FLG: variants seen among roughly 807,000 people sequenced by gnomAD.
FLG encodes the protein epidermal filaggrin.
In FLG, 6 loss-of-function variants were observed where a neutral mutation model predicts 3.8. The ratio of observed to expected loss-of-function variants is 1.60; its 90% CI spans 0.87 to 3.15. The LOEUF is 3.15. Among genes scored for constraint, FLG ranks in the 30% most tolerant of loss-of-function variants. The pLI, the probability that FLG is intolerant of heterozygous loss-of-function variation, is 0.00. For missense variants in FLG, 7,595 were observed against 5,050.9 expected (o/e 1.50, Z -15.27); for synonymous variants, 2,551 against 1,931.6 (o/e 1.32, Z -8.41).
chr1:152,308,742 C>G lies in FLG; in HGVS notation c.6144G>C (p.Glu2048Asp), dbSNP rs750914357. ...GTGTGTCTGAGTCTTCTGAATGTCC[C>G]TCACTGTCACTGGCCTGACTACCAC... ...GYSGSQASDS[E>D]GHSEDSDTQS... The change falls in exon 3 of 3, where the codon GAG (glutamate) becomes GAC (aspartate). Residue 2048 changes from glutamate (E) to aspartate (D), a missense_variant. By Grantham distance (45) the Glu-to-Asp change is conservative. Coordinates refer to ENST00000368799, the MANE Select transcript of FLG (RefSeq NM_002016.2). 1.9e-6 allele frequency: 3 copies of G among 1,614,140 alleles called. No homozygotes were observed. Among genetic ancestry groups the G allele is most frequent in the East Asian group, 2.2e-5 (1 of 44,874 alleles).
intron 1 of FLG, 132 bp from the exon 2 acceptor site, chr1:152,315,609 T>C: frequency 1.5e-6 from 1 of 651,962 alleles, no homozygotes. Flanking sequence ...AAGATGGACA[T>C]GAGAAACTTT....
rs568796343 is a variant in FLG, at chr1:152,311,623, C to T, written c.3263G>A (p.Gly1088Asp). Residue 1088 changes from glycine to aspartate, a missense_variant, in exon 3 of 3, where the codon GGC (glycine) becomes GAC (aspartate). Transcript: ENST00000368799. ...SEESDTQSVS[G>D]HGQDGPHQQS... ...CTGATGGGGCCCATCCTGTCCATGG[C>T]CTGACACTGACTGTGTGTCTGACTC... The T allele has an allele frequency of 3.8e-5, 61 of 1,614,074 alleles. No homozygotes were observed. The East Asian group carries it at 9.4e-4, about 25-fold the overall frequency.
chr1:152,311,358 C>T lies in FLG; in HGVS notation c.3528G>A (p.Arg1176=), dbSNP rs148211068. The T allele has an allele frequency of 9.9e-5, 159 of 1,613,678 alleles. No homozygotes were observed. Among genetic ancestry groups the T allele is most frequent in the Non-Finnish European group, 1.3e-4 (148 of 1,179,944 alleles). ...RAHPGSRRGG[R]QGSHHEQSVD... ...CCGATTGCTCATGGTGGGATCCCTG[C>T]CTTCCTCCTCTCCTTGACCCCGGGT... Residue 1176 remains arginine, a synonymous_variant, in exon 3 of 3, where the codon AGG becomes AGA. Transcript: ENST00000368799.
chr1:152,305,129 G>T lies in FLG; in HGVS notation c.9757C>A (p.His3253Asn), dbSNP rs141398552. 3.7e-6 allele frequency: 6 copies of T among 1,613,844 alleles called. No homozygotes were observed. The African/African-American group carries it at 5.3e-5, about 14-fold the overall frequency. The change falls in exon 3 of 3, where the codon CAC becomes AAC. Residue 3253 changes from histidine to asparagine, a missense_variant. Transcript: ENST00000368799. ...VQEQSRHGSR[H>N]PRSHHEDRAG... ...CTGTCTTCGTGATGGGACCTGGGGT[G>T]TCTGGAGCCGTGCCTTGACTGCTCC... is the stretch of plus-strand genomic sequence containing the variant.
rs764185000 is a variant in FLG, at chr1:152,313,845, C to T, written c.1041G>A (p.Gly347=). Residue 347 remains glycine, a synonymous_variant, in exon 3 of 3, where the codon GGG becomes GGA. Coordinates refer to ENST00000368799, the MANE Select transcript of FLG (RefSeq NM_002016.2). ...ATTGTCTGGAGCTGTCTGCAGAGTG[C>T]CCATGACTGGCTCTGTCTTCATCAT... ...RSHDEDRASH[G]HSADSSRQSG... 38 of 1,614,020 alleles carry T rather than the reference C, an allele frequency of 2.4e-5. No individual in the cohort carries two copies. Among genetic ancestry groups the T allele is most frequent in the Non-Finnish European group, 3.2e-5 (38 of 1,180,030 alleles).
chr1:152,302,780 G>A lies in FLG; in HGVS notation c.12106C>T (p.Pro4036Ser), dbSNP rs754909247. ...RYYATYINKD[P>S]GLCGHSSDIS... ...TCACTAGAATGGCCACATAAACCTG[G>A]GTCCTTATTAATATACGTTGCATAA... Residue 4036 changes from proline (P) to serine (S), a missense_variant, in exon 3 of 3, where the codon CCA (proline) becomes TCA (serine). Transcript: ENST00000368799. The A allele has an allele frequency of 6.2e-7, 1 of 1,614,050 alleles. No individual in the cohort carries two copies. The highest frequency in any genetic ancestry group is 1.3e-5 in the African/African-American group (1 of 74,998).
In FLG at chr1:152,319,403, GAGGGAAAT is replaced by G. The variant is rs1652885201; in HGVS notation, c.-21-3934_-21-3927del. ...TTATTGGGGCTTACATTCAGATTTA[GAGGGAAAT>G]ATAGTATTTGGGGAATTAAAAGACA... On this transcript the variant is annotated intron_variant, in intron 1 of 2. Transcript: ENST00000368799. Among the ~76,000 whole-genome samples the G allele has an allele frequency of 2.0e-5, 3 of 151,232 alleles. No homozygotes were observed. The South Asian group carries it at 6.2e-4, about 31-fold the overall frequency.
At position 152,309,240 on chromosome 1, in the gene FLG, C is replaced by A. The variant is rs1365087886; in HGVS notation, c.5646G>T (p.Gly1882=). The A allele has an allele frequency of 6.8e-6, 11 of 1,613,138 alleles. No individual in the cohort carries two copies. The African/African-American group carries it at 8.0e-5, about 12-fold the overall frequency. The change falls in exon 3 of 3, where the codon GGG becomes GGT. Residue 1882 remains glycine, a synonymous_variant. Transcript: ENST00000368799. ...GAGAGGAAGCTTCATGGTGACGCGA[C>A]CCTGAGTGCCTGGAGCCGTCTCCTG... is the stretch of plus-strand genomic sequence containing the variant. ...KQSGDGSRHS[G]SRHHEASSRA...
At chr1:152,319,677 A>G (rs1652895516) in intron 1 of FLG, among the ~76,000 whole-genome samples, 1 of 151,502 alleles carries the variant, frequency 6.6e-6, no homozygotes, top group African/African-American at 2.4e-5. Context: ...AAGACGATGA[A>G]ATGTTATATT....
chr1:152,302,661 T>C lies in FLG; in HGVS notation c.*39A>G, dbSNP rs1651681555. ...CTTGATTGAAAGTGAACTTGCTTCA[T>C]TCTTCTATTCTTGGATTAATTCCTT... On this transcript the variant is annotated 3_prime_UTR_variant, in exon 3 of 3. Coordinates refer to ENST00000368799, the MANE Select transcript of FLG (RefSeq NM_002016.2). The C allele has an allele frequency of 6.2e-7, 1 of 1,609,546 alleles. No individual in the cohort carries two copies. The highest frequency in any genetic ancestry group is 8.5e-7 in the Non-Finnish European group (1 of 1,178,070).
Position 152,307,532 on chromosome 1 carries a change from GC to G in FLG, c.7353del (p.Arg2451SerfsTer32). The part of the protein sequence containing the change: ...SHHKQARDSS[R>X]HSTSQEGQDT... ...TCCTGACCCTCTTGGGACGTTGAGT[GC>G]CTGGAGCTGTCTCGTGCCTGCTTGT... On this transcript the variant is annotated frameshift_variant, in exon 3 of 3. Coordinates refer to ENST00000368799, the MANE Select transcript of FLG (RefSeq NM_002016.2). LOFTEE classifies it low-confidence loss of function (END_TRUNC). 6.2e-7 allele frequency: 1 copy of G among 1,613,804 alleles called. No individual in the cohort carries two copies. The highest frequency in any genetic ancestry group is 8.5e-7 in the Non-Finnish European group (1 of 1,179,934).
At position 152,310,466 on chromosome 1, in the gene FLG, G is replaced by T. The variant is rs146686141; in HGVS notation, c.4420C>A (p.Arg1474=). Residue 1474 remains arginine (R), a synonymous_variant, in exon 3 of 3, where the codon CGA becomes AGA. Transcript: ENST00000368799. ...GRQGSRHEQA[R]NSSRHSASQD... ...GATGCTGAGTGCCTAGAGCTGTTTC[G>T]TGCCTGCTCATGGCGGGATCCTTGT... 7.4e-6 allele frequency: 12 copies of T among 1,613,370 alleles called. No homozygotes were observed. Among genetic ancestry groups the T allele is most frequent in the Admixed American group, 3.3e-5 (2 of 59,958 alleles).
In FLG at chr1:152,303,774, A is replaced by T. The variant is rs150535367; in HGVS notation, c.11112T>A (p.Ser3704=). 4 of 1,613,588 alleles carry T rather than the reference A, an allele frequency of 2.5e-6. No homozygotes were observed. The highest frequency in any genetic ancestry group is 2.2e-5 in the South Asian group (2 of 91,012). ...GGTAGAGGAAAGACCCTGAACGTCC[A>T]GACCTTCCTGCTGACCGGCCACGTG... ...ESTRGRSAGR[S]GRSGSFLYQV... Residue 3704 remains serine, a synonymous_variant, in exon 3 of 3, where the codon TCT becomes TCA. Coordinates refer to ENST00000368799, the MANE Select transcript of FLG (RefSeq NM_002016.2).
In FLG at chr1:152,314,441, C is replaced by T. The variant is rs750229548; in HGVS notation, c.445G>A (p.Gly149Arg). 8.7e-6 allele frequency: 14 copies of T among 1,613,346 alleles called. No individual in the cohort carries two copies. The highest frequency in any genetic ancestry group is 1.1e-5 in the Non-Finnish European group (13 of 1,179,816). The stretch of plus-strand genomic sequence containing the variant: ...TCAGAACTAGATTCATGCCTTTTCC[C>T]CCCTGTTTCTCTTGGGCTCTTGGAT... Reference protein sequence around the residue: ...GRSKSPRETGGKRHESSSEKK... With the variant: ...GRSKSPRETGRKRHESSSEKK... The change falls in exon 3 of 3, where the codon GGG becomes AGG. Residue 149 changes from glycine (G) to arginine (R), a missense_variant. Physicochemically the swap from Gly to Arg is moderately radical, Grantham distance 125. Coordinates refer to ENST00000368799, the MANE Select transcript of FLG (RefSeq NM_002016.2).
In FLG at chr1:152,310,893, A is replaced by G; in HGVS notation, c.3993T>C (p.Thr1331=). Residue 1331 remains threonine (T), a synonymous_variant, in exon 3 of 3, where the codon ACT becomes ACC. Coordinates refer to ENST00000368799, the MANE Select transcript of FLG (RefSeq NM_002016.2). The part of the protein sequence containing the change: ...HSADSSRQSG[T]HHTESSSHGQ... ...CATGAGAGGAAGACTCTGTGTGATG[A>G]GTGCCTGATTGTCTGGAGCTGTCTG... 1 of 1,613,992 alleles carries G rather than the reference A, an allele frequency of 6.2e-7. No homozygotes were observed. The highest frequency in any genetic ancestry group is 8.5e-7 in the Non-Finnish European group (1 of 1,179,994).
Position 152,314,042 on chromosome 1 carries a change from C to G in FLG, c.844G>C (p.Val282Leu), listed in dbSNP as rs770871356. ...NRSRHENTSQ[V>L]PLQESRTRKR... is the part of the protein sequence containing the mutation. ...CTTGTCCTGGACTCCTGCAATGGTA[C>G]CTGGCTTGTATTTTCATGTCTTGAC... The change falls in exon 3 of 3, where the codon GTA (valine) becomes CTA (leucine). Residue 282 changes from valine (V) to leucine (L), a missense_variant. By Grantham distance (32) the Val-to-Leu change is conservative (BLOSUM62 1). Transcript: ENST00000368799. 1 of 1,614,140 alleles carries G rather than the reference C, an allele frequency of 6.2e-7. No homozygotes were observed. The highest frequency in any genetic ancestry group is 8.5e-7 in the Non-Finnish European group (1 of 1,180,006).
chr1:152,315,527 G>T, intron 1 of FLG, 50 bp from the exon 2 acceptor site: 1 of 1,373,870 alleles, frequency 7.3e-7, no homozygotes. Flanking sequence ...TTTTTTCTAG[G>T]TTATATTATT....
In FLG at chr1:152,302,777, C is replaced by A; in HGVS notation, c.12109G>T (p.Gly4037Cys). The A allele has an allele frequency of 6.2e-7, 1 of 1,614,136 alleles. No homozygotes were observed. The highest frequency in any genetic ancestry group is 8.5e-7 in the Non-Finnish European group (1 of 1,180,024). ...YYATYINKDP[G>C]LCGHSSDISK... ...ATATCACTAGAATGGCCACATAAAC[C>A]TGGGTCCTTATTAATATACGTTGCA... Residue 4037 changes from glycine to cysteine, a missense_variant, in exon 3 of 3, where the codon GGT (glycine) becomes TGT (cysteine). Coordinates refer to ENST00000368799, the MANE Select transcript of FLG (RefSeq NM_002016.2).
Position 152,313,290 on chromosome 1 carries a change from G to C in FLG, c.1596C>G (p.His532Gln), listed in dbSNP as rs765626862. 10 of 1,613,806 alleles carry C rather than the reference G, an allele frequency of 6.2e-6. No homozygotes were observed. In the South Asian group the frequency reaches 9.9e-5, roughly 16 times the overall value. ...SSRGGRQGSH[H>Q]EQSVNRSGHS... is the part of the protein sequence containing the mutation. ...GTCCAGACCTATTTACCGATTGCTC[G>C]TGGTGGGATCCCTGCCTTCCTCCTC... The change falls in exon 3 of 3, where the codon CAC (histidine) becomes CAG (glutamine). Residue 532 changes from histidine to glutamine, a missense_variant. Transcript: ENST00000368799.
Sources: gnomAD v4.1 joint callset for allele counts (sites outside exome capture counted in the v4.1 genomes callset) on GRCh38, gnomAD v4.1.1 for gene constraint, MANE v1.5 for transcripts, NCBI Gene and HGNC (gene_info 2026-07-23, HGNC 2026-07-21) for gene names.